MAP2K1: variants seen among roughly 807,000 people sequenced by gnomAD.
MAP2K1 encodes the protein dual specificity mitogen-activated protein kinase kinase 1.
A neutral mutation model predicts 46.3 loss-of-function variants in MAP2K1; 16 were observed. The observed-to-expected ratio is 0.35, with a 90% CI of 0.23 to 0.52. The LOEUF (loss-of-function observed/expected upper bound fraction) is 0.52, where lower values mean the gene tolerates loss of function less well. Among genes scored for constraint, MAP2K1 ranks in the 20% least tolerant of loss-of-function variants. MAP2K1 has a pLI of 0.94. For synonymous variants in MAP2K1, 183 were observed against 185.6 expected (o/e 0.99, Z 0.11); for missense variants, 263 against 497.1 (o/e 0.53, Z 4.48).
At chr15:66,403,288 A>G (rs947810563) in intron 1 of MAP2K1, among the ~76,000 whole-genome samples, 3 of 152,184 alleles carry the variant, frequency 2.0e-5, no homozygotes, top group Admixed American at 2.0e-4. Flanking sequence ...ATTATTTTCA[A>G]GTAATTATCT....
chr15:66,422,830 C>T (rs2093446833), intron 1 of MAP2K1, among the ~76,000 whole-genome samples: 1 of 152,146 alleles, frequency 6.6e-6, no homozygotes, highest in Non-Finnish European at 1.5e-5. Flanking sequence ...CCTGTTCCCT[C>T]TTGTTCATCC....
At chr15:66,461,661 G>A (rs1413500594) in intron 5 of MAP2K1, among the ~76,000 whole-genome samples, 2 of 151,944 alleles carry the variant, frequency 1.3e-5, no homozygotes, top group Non-Finnish European at 2.9e-5. Flanking sequence ...ATTGTTGGAG[G>A]TAAGTGCTTA....
chr15:66,400,089 G>T (rs2093377771), intron 1 of MAP2K1, among the ~76,000 whole-genome samples: 1 of 152,068 alleles, frequency 6.6e-6, no homozygotes, highest in African/African-American at 2.4e-5. Flanking sequence ...ACAATTGAAT[G>T]TACAGCATTG....
intron 1 of MAP2K1, among the ~76,000 whole-genome samples, chr15:66,420,759 G>GTGTATGTGTATATA (rs1252003697): frequency 2.5e-5 from 1 of 40,080 alleles, no homozygotes; most frequent in Non-Finnish European, 4.8e-5. Flanking sequence ...GTGTGTGTGT[G>GTGTATGTGTATATA]TATGTGTGTA....
Position 66,470,076 on chromosome 15 carries a change from ATGCCAC to A in MAP2K1, c.569-11677_569-11672del, listed in dbSNP as rs1031019914. Among the ~76,000 whole-genome samples the A allele has an allele frequency of 1.3e-4, 16 of 122,048 alleles. No homozygotes were observed. In the South Asian group the frequency reaches 4.6e-3, roughly 35 times the overall value. The allele number at this position is 122,048 out of a possible 152,430, so 80.1% of individuals were successfully genotyped here. A position where few individuals can be genotyped will look rare whatever the true frequency, so the allele number is the denominator to read the frequency against. ...TGCTGGCCGTTTTTCTCCCTCCACCATGCCACTTTTTTTTCTTGTTTTTTTTTTTTT... is the reference window on the plus strand; with the variant it reads ...TGCTGGCCGTTTTTCTCCCTCCACCATTTTTTTTCTTGTTTTTTTTTTTTT... On this transcript the variant is annotated intron_variant, in intron 5 of 10. Coordinates refer to ENST00000307102, the MANE Select transcript of MAP2K1 (RefSeq NM_002755.4).
intron 5 of MAP2K1, among the ~76,000 whole-genome samples, chr15:66,472,992 T>C (rs1892676935): frequency 6.6e-6 from 1 of 152,228 alleles, no homozygotes; most frequent in African/African-American, 2.4e-5. Flanking sequence ...AAAATTAGCC[T>C]TCAGCAGGTC....
chr15:66,443,524 C>T (rs1362482663), intron 4 of MAP2K1, among the ~76,000 whole-genome samples, 167 bp downstream of exon 4: 3 of 152,024 alleles, frequency 2.0e-5, no homozygotes, highest in African/African-American at 2.4e-5. Flanking sequence ...ATACACTATT[C>T]TCTCTCACAT....
At chr15:66,410,313 G>A (rs2093408226) in intron 1 of MAP2K1, among the ~76,000 whole-genome samples, 1 of 152,130 alleles carries the variant, frequency 6.6e-6, no homozygotes. Flanking sequence ...ACATATCTTT[G>A]GTGAGGACCA....
At chr15:66,455,446 T>C (rs1235128330) in intron 5 of MAP2K1, among the ~76,000 whole-genome samples, 4 of 152,224 alleles carry the variant, frequency 2.6e-5, no homozygotes, top group Non-Finnish European at 5.9e-5. Context: ...TAGGAATATG[T>C]CAGTGATTTA....
intron 5 of MAP2K1, chr15:66,446,805 C>A: frequency 3.9e-6 from 1 of 256,640 alleles, no homozygotes. Flanking sequence ...AGTCCTGTTC[C>A]CAGCAGGCCT....
intron 5 of MAP2K1, among the ~76,000 whole-genome samples, chr15:66,476,113 C>T (rs542118168): frequency 5.8e-4 from 88 of 152,314 alleles, no homozygotes; most frequent in Middle Eastern, 3.4e-3. Context: ...TACCCATACT[C>T]ATTGTCACAG....
chr15:66,403,516 G>A (rs1489879523), intron 1 of MAP2K1, among the ~76,000 whole-genome samples: 1 of 152,082 alleles, frequency 6.6e-6, no homozygotes, highest in Admixed American at 6.6e-5. Flanking sequence ...CCTTGAAATG[G>A]ATGCCTTTCT....
chr15:66,412,040 C>T (rs1218897140), intron 1 of MAP2K1, among the ~76,000 whole-genome samples: 3 of 152,140 alleles, frequency 2.0e-5, no homozygotes, highest in Admixed American at 1.3e-4. Flanking sequence ...ATAGTTTATA[C>T]ATTGGAGACA....
intron 1 of MAP2K1, among the ~76,000 whole-genome samples, chr15:66,408,021 ACTATGT>A (rs368958187): frequency 6.6e-6 from 1 of 152,224 alleles, no homozygotes; most frequent in South Asian, 2.1e-4. Flanking sequence ...ACCCTGCCTT[ACTATGT>A]CTGTGGTCTT....
chr15:66,402,082 A>T (rs74326592), intron 1 of MAP2K1: 59,222 of 959,008 alleles, frequency 0.062, 2,323 homozygotes, highest in East Asian at 0.19. Flanking sequence ...TTTATAAATG[A>T]TGTGGTTACT....
chr15:66,479,539 CT>C (rs1355346865), intron 5 of MAP2K1, among the ~76,000 whole-genome samples: 42 of 152,166 alleles, frequency 2.8e-4, no homozygotes, highest in African/African-American at 8.2e-4. Context: ...TCCTGTGTTC[CT>C]TTACTGAAGA....
intron 1 of MAP2K1, among the ~76,000 whole-genome samples, chr15:66,419,704 C>CTGTG (rs948538056): frequency 1.3e-5 from 2 of 151,794 alleles, no homozygotes; most frequent in African/African-American, 2.4e-5. Context: ...AGAGGCTCCT[C>CTGTG]TGTGTGTGTG....
intron 1 of MAP2K1, among the ~76,000 whole-genome samples, chr15:66,397,611 A>G (rs1019790024): frequency 6.6e-6 from 1 of 152,224 alleles, no homozygotes; most frequent in Non-Finnish European, 1.5e-5. Flanking sequence ...ATGTTGATAA[A>G]TCATGTTGAT....
chr15:66,453,485 G>A lies in MAP2K1; in HGVS notation c.568+8778G>A, dbSNP rs865804892. On this transcript the variant is annotated intron_variant, in intron 5 of 10. Transcript: ENST00000307102. ...TCCAGAAGCCCTGGAAGAATGAACT[G>A]TAAGGCCTGGACTATGGAATGGTAC... 14 of 702,164 alleles carry A rather than the reference G, an allele frequency of 2.0e-5. No homozygotes were observed. The Middle Eastern group carries it at 6.8e-4, about 34-fold the overall frequency. The allele number at this position is 702,164 out of a possible 1,614,324, so 43.5% of individuals were successfully genotyped here. A position where few individuals can be genotyped will look rare whatever the true frequency, so the allele number is the denominator to read the frequency against.
Sources: gnomAD v4.1 joint callset for allele counts (sites outside exome capture counted in the v4.1 genomes callset) on GRCh38, gnomAD v4.1.1 for gene constraint, MANE v1.5 for transcripts, NCBI Gene and HGNC (gene_info 2026-07-23, HGNC 2026-07-21) for gene names.